Variants in PHLPP1 observed in about 807,000 individuals in gnomAD.
PHLPP1 encodes the protein PH domain leucine-rich repeat-containing protein phosphatase 1.
In PHLPP1, 42 loss-of-function variants were observed where a neutral mutation model predicts 117.2. The observed-to-expected ratio is 0.36, with a 90% confidence interval of 0.28 to 0.46. The LOEUF is 0.46. Among genes scored for constraint, PHLPP1 ranks in the 20% least tolerant of loss-of-function variants. The pLI is 1.00. For missense variants in PHLPP1, 2,084 were observed against 2,241.9 expected (o/e 0.93, Z 1.42); for synonymous variants, 1,042 against 970.7 (o/e 1.07, Z -1.37).
At chr18:62,874,416 T>C (rs1405923402) in intron 4 of PHLPP1, among the ~76,000 whole-genome samples, 2 of 150,912 alleles carry the variant, frequency 1.3e-5, no homozygotes, top group East Asian at 3.9e-4. Flanking sequence ...GGCTGAGGCA[T>C]GAGAATCGCC....
At chr18:62,947,868 A>T (rs1236786479) in intron 12 of PHLPP1, among the ~76,000 whole-genome samples, 1 of 152,038 alleles carries the variant, frequency 6.6e-6, no homozygotes, top group Non-Finnish European at 1.5e-5. Context: ...TCTACTAAAA[A>T]TACAAAAATA....
Position 62,963,475 on chromosome 18 carries a change from A to C in PHLPP1, c.3560+3A>C, listed in dbSNP as rs781250471. 6 of 1,592,908 alleles carry C rather than the reference A, an allele frequency of 3.8e-6. No homozygotes were observed. The highest frequency in any genetic ancestry group is 2.2e-5 in the South Asian group (2 of 89,072). ...GAAGCTTCGGGGGTAAAAAACAAGT[A>C]AGTCAGATGAAACTTTAGAGGAAGA... On this transcript the variant is annotated splice_donor_region_variant and intron_variant, in intron 14 of 16. Coordinates refer to ENST00000262719, the MANE Select transcript of PHLPP1 (RefSeq NM_194449.4).
chr18:62,971,895 G>A (rs139775846), intron 14 of PHLPP1, among the ~76,000 whole-genome samples: 1 of 152,182 alleles, frequency 6.6e-6, no homozygotes, highest in East Asian at 1.9e-4. Flanking sequence ...AATTAGCTGG[G>A]CATGGTGGCA....
intron 1 of PHLPP1, among the ~76,000 whole-genome samples, chr18:62,820,396 C>T (rs941291944): frequency 3.3e-5 from 5 of 152,214 alleles, no homozygotes; most frequent in African/African-American, 1.2e-4. Context: ...ACATTCTTTT[C>T]AAGTACATAT....
intron 1 of PHLPP1, among the ~76,000 whole-genome samples, chr18:62,808,358 TGAA>T (rs1213626944): frequency 6.6e-6 from 1 of 152,106 alleles, no homozygotes; most frequent in Non-Finnish European, 1.5e-5. Flanking sequence ...GTAATTCAAG[TGAA>T]GAAGACTGGG....
intron 1 of PHLPP1, among the ~76,000 whole-genome samples, chr18:62,793,886 G>A (rs1344063299): frequency 1.3e-5 from 2 of 152,104 alleles, no homozygotes; most frequent in East Asian, 3.9e-4. Context: ...TGCCAGTTGG[G>A]TCTTAATTTC....
intron 10 of PHLPP1, among the ~76,000 whole-genome samples, chr18:62,935,905 A>G (rs1909954723): frequency 6.6e-6 from 1 of 152,192 alleles, no homozygotes; most frequent in South Asian, 2.1e-4. Context: ...TGGGAGGCTG[A>G]GACAGGAGAA....
chr18:62,716,998 G>T lies in PHLPP1; in HGVS notation c.1315G>T (p.Ala439Ser). 2 of 1,543,060 alleles carry T rather than the reference G, an allele frequency of 1.3e-6. No individual in the cohort carries two copies. Among genetic ancestry groups the T allele is most frequent in the South Asian group, 2.4e-5 (2 of 83,884 alleles). Residue 439 changes from alanine to serine, a missense_variant, in exon 1 of 17, where the codon GCA (alanine) becomes TCA (serine). This residue lies in a region of PHLPP1 where 719 missense variants were observed against 636.0 expected (regional missense o/e 1.13). Transcript: ENST00000262719. This position sits in a 1 kb window ranked among gnomAD's most constrained non-coding sequence, Gnocchi z 5.7. ...AVREGSCEEKAAAAVAPGGLQ... is the reference protein window; with the variant it reads ...AVREGSCEEKSAAAVAPGGLQ... ...CCGCGAGGGGTCGTGCGAGGAGAAG[G>T]CAGCGGCAGCCGTGGCCCCGGGAGG...
intron 1 of PHLPP1, among the ~76,000 whole-genome samples, chr18:62,794,581 TC>T (rs769007249): frequency 5.9e-5 from 9 of 152,128 alleles, no homozygotes; most frequent in Non-Finnish European, 1.2e-4. Context: ...TGCTGTGTTG[TC>T]AAGGTTGATT....
At chr18:62,883,928 C>G (rs1032382997) in intron 4 of PHLPP1, among the ~76,000 whole-genome samples, 1 of 152,084 alleles carries the variant, frequency 6.6e-6, no homozygotes, top group Admixed American at 6.5e-5. Flanking sequence ...TCTTGGATTT[C>G]AGAATTAAGG....
chr18:62,741,795 A>G (rs567228941), intron 1 of PHLPP1, among the ~76,000 whole-genome samples: 1 of 151,512 alleles, frequency 6.6e-6, no homozygotes, highest in South Asian at 2.1e-4. Context: ...GAGCATTGCA[A>G]ATAGGGAAAC....
In PHLPP1 at chr18:62,716,148, C is replaced by T; in HGVS notation, c.465C>T (p.Ala155=). 5 of 1,518,106 alleles carry T rather than the reference C, an allele frequency of 3.3e-6. No individual in the cohort carries two copies. The highest frequency in any genetic ancestry group is 3.5e-6 in the Non-Finnish European group (4 of 1,139,156). The allele number at this position is 1,518,106 out of a possible 1,614,324, so 94.0% of individuals were successfully genotyped here. ...CTGCCTCGCACTCCCCCGGCGCTGC[C>T]GGCCTCCCCGCCTCCTGCTCGGCCT... ...AAAASHSPGA[A]GLPASCSASA... is the part of the protein sequence containing the mutation. The change falls in exon 1 of 17, where the codon GCC becomes GCT. Residue 155 remains alanine (A), a synonymous_variant. Coordinates refer to ENST00000262719, the MANE Select transcript of PHLPP1 (RefSeq NM_194449.4). This position sits in a 1 kb window ranked among gnomAD's most constrained non-coding sequence, Gnocchi z 5.7.
At chr18:62,878,771 C>T (rs899513107) in intron 4 of PHLPP1, among the ~76,000 whole-genome samples, 2 of 151,678 alleles carry the variant, frequency 1.3e-5, no homozygotes, top group African/African-American at 4.9e-5. Flanking sequence ...TATTTATACT[C>T]CTCATATTGT....
intron 3 of PHLPP1, among the ~76,000 whole-genome samples, chr18:62,857,389 A>G (rs1430341428): frequency 6.6e-6 from 1 of 152,182 alleles, no homozygotes; most frequent in Non-Finnish European, 1.5e-5. Context: ...TGCAGCTCTA[A>G]GCAGCTGGTT....
chr18:62,924,107 A>G (rs1036149937), intron 10 of PHLPP1, among the ~76,000 whole-genome samples: 5 of 152,220 alleles, frequency 3.3e-5, no homozygotes, highest in African/African-American at 9.6e-5. Context: ...GGAAAATTAC[A>G]CGGTTGGTCT....
intron 10 of PHLPP1, among the ~76,000 whole-genome samples, chr18:62,925,327 G>C (rs1028539710): frequency 3.3e-5 from 5 of 152,188 alleles, no homozygotes; most frequent in Non-Finnish European, 7.3e-5. Context: ...CTTTAAAGGG[G>C]AGTTATAGGT....
chr18:62,725,287 G>A (rs1483547838), intron 1 of PHLPP1, among the ~76,000 whole-genome samples: 1 of 151,100 alleles, frequency 6.6e-6, no homozygotes, highest in African/African-American at 2.4e-5. Flanking sequence ...TTGAACCCGG[G>A]AGGCAGAGGT....
At chr18:62,851,066 T>G (rs980217262) in intron 3 of PHLPP1, among the ~76,000 whole-genome samples, 20 of 152,302 alleles carry the variant, frequency 1.3e-4, no homozygotes, top group Middle Eastern at 3.4e-3. Context: ...ACTGCATCTC[T>G]CCAGTACCTG....
Position 62,715,844 on chromosome 18 carries a change from C to T in PHLPP1, c.161C>T (p.Ala54Val). The T allele has an allele frequency of 1.3e-6, 1 of 761,188 alleles. No individual in the cohort carries two copies. Among genetic ancestry groups the T allele is most frequent in the Non-Finnish European group, 1.6e-6 (1 of 625,894 alleles). 47.2% of individuals were successfully genotyped at this position (761,188 alleles called of 1,614,324 possible). Residue 54 changes from alanine (A) to valine (V), a missense_variant, in exon 1 of 17, where the codon GCG (alanine) becomes GTG (valine). By Grantham distance (64) the Ala-to-Val change is moderately conservative. Coordinates refer to ENST00000262719, the MANE Select transcript of PHLPP1 (RefSeq NM_194449.4). ...AAGGGRSPEP[A>V]LTPAAPSGGN... ...GGGGGCGGCCGGAGTCCGGAGCCCG[C>T]GCTGACCCCGGCGGCCCCGAGCGGC...
Sources: allele counts gnomAD v4.1 joint callset (sites outside exome capture counted in the v4.1 genomes callset), GRCh38; gene constraint gnomAD v4.1.1; regional missense constraint gnomAD v4.1.1; non-coding constraint Gnocchi (gnomAD v3.1); transcripts MANE v1.5; gene names NCBI Gene and HGNC (gene_info 2026-07-23, HGNC 2026-07-21).